The following PIAS2 variants were observed in gnomAD, a reference collection of about 807,000 sequenced individuals.
PIAS2 encodes E3 SUMO-protein ligase PIAS2.
A neutral mutation model predicts 69.7 loss-of-function variants in PIAS2; 19 were observed. The ratio of observed to expected loss-of-function variants is 0.27; its 90% CI spans 0.19 to 0.40. PIAS2 has a LOEUF of 0.40. PIAS2 is among the 10% of genes least tolerant of loss of function. The pLI is 1.00. For missense variants in PIAS2, 624 were observed against 757.0 expected, an observed-to-expected ratio of 0.82 and a Z score of 2.06; for synonymous variants, 261 against 263.2, an observed-to-expected ratio of 0.99 and a Z score of 0.08.
At chr18:46,894,657 C>T (rs2054569297) in intron 1 of PIAS2, among the ~76,000 whole-genome samples, 1 of 152,032 alleles carries the variant, frequency 6.6e-6, no homozygotes, top group Non-Finnish European at 1.5e-5. Flanking sequence ...CAACCTTGTT[C>T]CTTTATCAAA....
chr18:46,824,559 C>T (rs995558013), intron 11 of PIAS2, among the ~76,000 whole-genome samples: 7 of 152,030 alleles, frequency 4.6e-5, no homozygotes, highest in East Asian at 1.9e-4. Flanking sequence ...TTAAAGACTC[C>T]GGTTCGTAAG....
At chr18:46,919,013 G>A (rs867335000), upstream of PIAS2, among the ~76,000 whole-genome samples, 172 of 150,666 alleles carry the variant, frequency 1.1e-3, no homozygotes, top group South Asian at 8.6e-3. Context: ...ATATATGTGT[G>A]TGTGTGTGTG....
At chr18:46,844,685 A>C in intron 7 of PIAS2, 49 bp downstream of exon 7, 1 of 671,026 alleles carries the variant, frequency 1.5e-6, no homozygotes, top group Non-Finnish European at 2.4e-6. Flanking sequence ...TCATATGCTC[A>C]ATCTTTTTTT....
chr18:46,893,785 C>T (rs1399996179), intron 1 of PIAS2, among the ~76,000 whole-genome samples: 1 of 152,118 alleles, frequency 6.6e-6, no homozygotes, highest in African/African-American at 2.4e-5. Context: ...CATTTCATCC[C>T]TCTGGTCATC....
At position 46,807,383 on chromosome 18, in the gene PIAS2, A is replaced by ATATAT. The variant is rs869149927; in HGVS notation, c.*5049_*5050insATATA. The ATATAT allele has an allele frequency of 8.6e-5, 1 of 11,612 alleles. No individual in the cohort carries two copies. Among genetic ancestry groups the ATATAT allele is most frequent in the Non-Finnish European group, 1.3e-4 (1 of 7,456 alleles). 0.7% of individuals were successfully genotyped at this position (11,612 alleles called of 1,614,324 possible). ...TATATATATATATATATATATATATATTTTTTTTTTTTTTTTTTTTTTTTT... is the reference window on the plus strand; with the variant it reads ...TATATATATATATATATATATATATATATATTTTTTTTTTTTTTTTTTTTTTTTTT... On this transcript the variant is annotated 3_prime_UTR_variant, in exon 14 of 14. Coordinates refer to ENST00000585916, the MANE Select transcript of PIAS2 (RefSeq NM_004671.5).
chr18:46,856,160 C>T (rs1488471611), intron 3 of PIAS2, among the ~76,000 whole-genome samples: 2 of 151,754 alleles, frequency 1.3e-5, no homozygotes, highest in Non-Finnish European at 2.9e-5. Context: ...CGCCCGCCAC[C>T]ACGCCCGGCT....
intron 12 of PIAS2, chr18:46,815,933 T>C: frequency 1.0e-6 from 1 of 985,432 alleles, no homozygotes; most frequent in Non-Finnish European, 1.2e-6. Flanking sequence ...TGTAATTTTC[T>C]GAACCAGAGA....
intron 8 of PIAS2, among the ~76,000 whole-genome samples, chr18:46,841,640 GC>G (rs1187390593): frequency 6.6e-6 from 1 of 152,094 alleles, no homozygotes; most frequent in African/African-American, 2.4e-5. Flanking sequence ...TACTACTATA[GC>G]CCAAAGAGTA....
At chr18:46,919,029 GTGTTGTGTA>G (rs2058346187), upstream of PIAS2, among the ~76,000 whole-genome samples, 2 of 150,730 alleles carry the variant, frequency 1.3e-5, no homozygotes, top group Admixed American at 1.3e-4. Context: ...GTGTGTGTGT[GTGTTGTGTA>G]TATATACACA....
At chr18:46,898,954 C>A (rs2055341552) in intron 1 of PIAS2, among the ~76,000 whole-genome samples, 1 of 150,346 alleles carries the variant, frequency 6.7e-6, no homozygotes, top group African/African-American at 2.5e-5. Flanking sequence ...GAGATTGCAC[C>A]ACTGCTCTCC....
At chr18:46,815,119 G>A (rs747821494) in intron 13 of PIAS2, among the ~76,000 whole-genome samples, 193 bp downstream of exon 13, 7 of 152,084 alleles carry the variant, frequency 4.6e-5, no homozygotes, top group Non-Finnish European at 1.0e-4. Flanking sequence ...AGATATTAAA[G>A]ACAAAAATCA....
chr18:46,828,010 G>A lies in PIAS2; in HGVS notation c.1457C>T (p.Ala486Val), dbSNP rs1482139050. ...TGACATAAAGATGCATTTCCTTTTG[G>A]CAGGAGGGTCTTCCTCTTCGTCAGA... ...SSSDEEEDPP[A>V]KRKCIFMSET... Residue 486 changes from alanine (A) to valine (V), a missense_variant, in exon 11 of 14, where the codon GCC becomes GTC. Coordinates refer to ENST00000585916, the MANE Select transcript of PIAS2 (RefSeq NM_004671.5). 1 of 1,613,774 alleles carries A rather than the reference G, an allele frequency of 6.2e-7. No homozygotes were observed. Among genetic ancestry groups the A allele is most frequent in the East Asian group, 2.2e-5 (1 of 44,868 alleles).
chr18:46,836,981 A>G (rs2044528648), intron 8 of PIAS2, among the ~76,000 whole-genome samples: 1 of 152,214 alleles, frequency 6.6e-6, no homozygotes, highest in Non-Finnish European at 1.5e-5. Context: ...CGGTATATAA[A>G]AAGCTACCAT....
intron 2 of PIAS2, among the ~76,000 whole-genome samples, chr18:46,879,534 C>T (rs8089938): frequency 0.62 from 93,578 of 152,014 alleles, 30,134 homozygotes; most frequent in African/African-American, 0.81. Flanking sequence ...AATTACCATA[C>T]GATCCCGCAA....
chr18:46,875,538 T>C (rs1021293936), intron 2 of PIAS2, among the ~76,000 whole-genome samples: 2 of 152,020 alleles, frequency 1.3e-5, no homozygotes, highest in African/African-American at 4.8e-5. Flanking sequence ...TCTGAGTCGG[T>C]TGAAAACAAT....
intron 2 of PIAS2, among the ~76,000 whole-genome samples, chr18:46,872,108 G>A (rs977971392): frequency 3.9e-5 from 6 of 152,134 alleles, no homozygotes; most frequent in African/African-American, 9.7e-5. Context: ...CAAGATAAGC[G>A]CCTTGAACAC....
Position 46,890,939 on chromosome 18 carries a change from C to T in PIAS2, c.140G>A (p.Ser47Asn). ...LLMRALHLLKSGCSPAVQIKI... is the reference protein window; with the variant it reads ...LLMRALHLLKNGCSPAVQIKI... ...AATCTGAACCGCAGGGCTGCAGCCGCTCTTCAATAAATGCAGCGCCCTCAT... is the reference window on the plus strand; with the variant it reads ...AATCTGAACCGCAGGGCTGCAGCCGTTCTTCAATAAATGCAGCGCCCTCAT... The change falls in exon 2 of 14, where the codon AGC (serine) becomes AAC (asparagine). Residue 47 changes from serine to asparagine, a missense_variant. By Grantham distance (46) the Ser-to-Asn change is conservative. Transcript: ENST00000585916. The T allele has an allele frequency of 6.2e-7, 1 of 1,614,168 alleles. No individual in the cohort carries two copies. The highest frequency in any genetic ancestry group is 8.5e-7 in the Non-Finnish European group (1 of 1,180,018).
At chr18:46,836,891 T>C (rs551787337) in intron 8 of PIAS2, among the ~76,000 whole-genome samples, 107 of 152,248 alleles carry the variant, frequency 7.0e-4, no homozygotes, top group Admixed American at 1.0e-3. Context: ...AGAAATATTT[T>C]CCCAGGAATG....
intron 2 of PIAS2, among the ~76,000 whole-genome samples, chr18:46,864,717 C>A (rs1346765516): frequency 6.6e-6 from 1 of 150,948 alleles, no homozygotes; most frequent in Non-Finnish European, 1.5e-5. Flanking sequence ...TTGCAGTGAG[C>A]CAAGATTGCA....
Sources: gnomAD v4.1 joint callset for allele counts (sites outside exome capture counted in the v4.1 genomes callset) on GRCh38, gnomAD v4.1.1 for gene constraint, MANE v1.5 for transcripts, NCBI Gene and HGNC (gene_info 2026-07-23, HGNC 2026-07-21) for gene names.